FLT3: variants seen among roughly 807,000 people sequenced by gnomAD.
FLT3 encodes fms related receptor tyrosine kinase 3.
FLT3 carries 46 observed loss-of-function variants against 126.6 expected under a neutral mutation model. The observed-to-expected ratio is 0.36, with a 90% CI of 0.29 to 0.46. The LOEUF (loss-of-function observed/expected upper bound fraction) is 0.46, where lower values mean the gene tolerates loss of function less well. Ranked by LOEUF, FLT3 falls within the 20% of genes least tolerant of loss-of-function variation. The probability of loss-of-function intolerance (pLI) is 1.00; values close to 1 mark genes in which losing one functional copy is unlikely to be tolerated. For synonymous variants in FLT3, 404 were observed against 434.4 expected, an observed-to-expected ratio of 0.93 and a Z score of 0.87; for missense variants, 1,069 against 1,190.3, an observed-to-expected ratio of 0.90 and a Z score of 1.50.
intron 19 of FLT3, among the ~76,000 whole-genome samples, chr13:28,022,782 A>T (rs1207265569): frequency 9.2e-5 from 14 of 152,200 alleles, no homozygotes; most frequent in Admixed American, 3.3e-4. Context: ...CAGCGGGTGG[A>T]AAGGCAGTTC....
chr13:28,072,009 T>A (rs1366501184), intron 1 of FLT3, among the ~76,000 whole-genome samples: 1 of 152,050 alleles, frequency 6.6e-6, no homozygotes, highest in Admixed American at 6.6e-5. Context: ...TTTTACTTTC[T>A]CCTTCTCCAC....
intron 2 of FLT3, among the ~76,000 whole-genome samples, chr13:28,064,549 G>T (rs1876853409): frequency 6.6e-6 from 1 of 151,504 alleles, no homozygotes; most frequent in African/African-American, 2.4e-5. Flanking sequence ...TCCAGCCTGG[G>T]CGACAGAGTG....
intron 22 of FLT3, 27 bp downstream of exon 22, chr13:28,015,130 C>CAAT: frequency 1.4e-6 from 2 of 1,422,692 alleles, no homozygotes; most frequent in Non-Finnish European, 2.0e-6. Context: ...CTGATTTCAA[C>CAAT]CAAATTACAG....
chr13:28,044,133 G>A (rs530620488), intron 9 of FLT3, among the ~76,000 whole-genome samples: 5 of 150,456 alleles, frequency 3.3e-5, no homozygotes, highest in African/African-American at 7.3e-5. Context: ...GTGACAGAGC[G>A]AGACTCCGTC....
chr13:28,035,800 G>C (rs958523539), intron 11 of FLT3, 127 bp from the exon 12 acceptor site: 4 of 1,207,732 alleles, frequency 3.3e-6, no homozygotes, highest in African/African-American at 3.0e-5. Flanking sequence ...TATGACTATT[G>C]AGAGTTATGG....
At chr13:28,091,034 G>A (rs1878996602) in intron 1 of FLT3, among the ~76,000 whole-genome samples, 1 of 151,734 alleles carries the variant, frequency 6.6e-6, no homozygotes, top group East Asian at 1.9e-4. Context: ...AAGAGTTGTG[G>A]CTTTATTTTA....
At position 28,049,743 on chromosome 13, in the gene FLT3, T is replaced by C. The variant is rs957309006; in HGVS notation, c.774A>G (p.Pro258=). ...GTTCCCCTACTTTAAGAAATAATTG[T>C]GGCAATGTGGTCTGAGGAGTTTGAT... ...DLNQTPQTTL[P]QLFLKVGEPL... Residue 258 remains proline, a synonymous_variant, in exon 7 of 24, where the codon CCA becomes CCG. Transcript: ENST00000241453. 1 of 1,613,892 alleles carries C rather than the reference T, an allele frequency of 6.2e-7. No homozygotes were observed. The highest frequency in any genetic ancestry group is 1.3e-5 in the African/African-American group (1 of 74,908).
At chr13:28,093,591 C>T (rs1879265583) in intron 1 of FLT3, among the ~76,000 whole-genome samples, 1 of 152,086 alleles carries the variant, frequency 6.6e-6, no homozygotes, top group Admixed American at 6.6e-5. Flanking sequence ...CATAGTTTTC[C>T]ATCTGTGGAA....
chr13:28,029,228 T>C (rs746360274), intron 15 of FLT3, among the ~76,000 whole-genome samples: 14 of 152,258 alleles, frequency 9.2e-5, no homozygotes, highest in Non-Finnish European at 1.6e-4. Flanking sequence ...CTGTCTCTAC[T>C]AAACATACAA....
intron 1 of FLT3, among the ~76,000 whole-genome samples, chr13:28,077,135 A>G (rs1480639456): frequency 2.0e-5 from 3 of 152,056 alleles, no homozygotes; most frequent in African/African-American, 7.2e-5. Flanking sequence ...AAAGAAAGAA[A>G]GAAAAAGAAA....
intron 12 of FLT3, 72 bp downstream of exon 12, chr13:28,035,423 A>T: frequency 7.0e-7 from 1 of 1,429,382 alleles, no homozygotes; most frequent in Non-Finnish European, 9.6e-7. Context: ...CCCCAAGTAA[A>T]AGTCAGCGAT....
chr13:28,051,908 C>A (rs1314599134), intron 5 of FLT3, among the ~76,000 whole-genome samples: 1 of 151,574 alleles, frequency 6.6e-6, no homozygotes, highest in African/African-American at 2.4e-5. Flanking sequence ...TTGCCCCAAC[C>A]AGATGCCCAG....
chr13:28,055,531 G>A (rs1160679858), intron 4 of FLT3, among the ~76,000 whole-genome samples: 1 of 152,180 alleles, frequency 6.6e-6, no homozygotes. Flanking sequence ...CCACGCTGGT[G>A]GTTAATACTG....
intron 23 of FLT3, among the ~76,000 whole-genome samples, chr13:28,012,042 C>T (rs1354691190): frequency 1.3e-5 from 2 of 152,154 alleles, no homozygotes; most frequent in African/African-American, 4.8e-5. Context: ...GATCCGCCCA[C>T]CTCAGCCTCC....
chr13:28,070,729 T>A, intron 1 of FLT3, 117 bp from the exon 2 acceptor site: 2 of 730,660 alleles, frequency 2.7e-6, no homozygotes, highest in South Asian at 1.8e-5. Context: ...TTGGCCACTA[T>A]GAAAGTATGT....
chr13:28,096,253 T>C (rs1052756767), intron 1 of FLT3, among the ~76,000 whole-genome samples: 10 of 151,462 alleles, frequency 6.6e-5, no homozygotes, highest in African/African-American at 2.2e-4. Context: ...ACTCAGGAGG[T>C]TGAGGTAGGA....
At chr13:28,042,180 A>G (rs1410442706) in intron 9 of FLT3, among the ~76,000 whole-genome samples, 2 of 142,142 alleles carry the variant, frequency 1.4e-5, no homozygotes, top group African/African-American at 2.7e-5. Flanking sequence ...TAATAATAAT[A>G]ATAATAATAA....
rs10549768 is a variant in FLT3, at chr13:28,053,174, T to TCACA, written c.485-504_485-501dup. Among the ~76,000 whole-genome samples the TCACA allele has an allele frequency of 6.7e-4, 100 of 149,276 alleles. 1 individual carries two copies. Among genetic ancestry groups the TCACA allele is most frequent in the Middle Eastern group, 3.5e-3 (1 of 286 alleles). ...AGTTGAGCCTCCCACTCACCCTGGA[T>TCACA]CACACACACACACACACACACACCA... On this transcript the variant is annotated intron_variant, in intron 4 of 23. Coordinates refer to ENST00000241453, the MANE Select transcript of FLT3 (RefSeq NM_004119.3).
chr13:28,089,702 A>G (rs1878900158), intron 1 of FLT3, among the ~76,000 whole-genome samples: 1 of 151,692 alleles, frequency 6.6e-6, no homozygotes, highest in Admixed American at 6.6e-5. Flanking sequence ...GGCTTGGGGT[A>G]GGGATCAGGG....
Sources: gnomAD v4.1 joint callset for allele counts (sites outside exome capture counted in the v4.1 genomes callset) on GRCh38, gnomAD v4.1.1 for gene constraint, MANE v1.5 for transcripts, NCBI Gene and HGNC (gene_info 2026-07-23, HGNC 2026-07-21) for gene names.